The following UBAP2 variants were observed in gnomAD, a reference collection of about 807,000 sequenced individuals.
The protein encoded by UBAP2 is ubiquitin associated protein 2, also known as ubiquitin-associated protein 2.
A neutral mutation model predicts 139.6 loss-of-function variants in UBAP2; 75 were observed. The observed-to-expected ratio is 0.54, with a 90% CI of 0.45 to 0.65. The LOEUF (loss-of-function observed/expected upper bound fraction) is 0.65. Ranked by LOEUF, UBAP2 falls within the 30% of genes least tolerant of loss-of-function variation. UBAP2 has a pLI of 0.00. For missense variants in UBAP2, 1,368 were observed against 1,369.6 expected (o/e 1.00, Z 0.02); for synonymous variants, 526 against 526.2 (o/e 1.00, Z 0.01).
chr9:34,045,616 C>CCCGCCT (rs1827513081), intron 1 of UBAP2, among the ~76,000 whole-genome samples: 1 of 152,022 alleles, frequency 6.6e-6, no homozygotes, highest in African/African-American at 2.4e-5. Flanking sequence ...TCGTGACCCG[C>CCCGCCT]CCGCCTCCGC....
At chr9:33,980,400 C>CT (rs1362294266) in intron 6 of UBAP2, among the ~76,000 whole-genome samples, 3 of 141,894 alleles carry the variant, frequency 2.1e-5, no homozygotes, top group East Asian at 2.1e-4. Context: ...ACCAGCTAAT[C>CT]TTTTTTTGTA....
intron 1 of UBAP2, among the ~76,000 whole-genome samples, chr9:34,038,790 G>T (rs1258239510): frequency 1.3e-5 from 2 of 151,442 alleles, no homozygotes; most frequent in African/African-American, 4.9e-5. Flanking sequence ...CCCAGACTGG[G>T]AAGTGAGGAG....
At chr9:33,932,092 G>T (rs1019759974) in intron 19 of UBAP2, among the ~76,000 whole-genome samples, 6 of 151,928 alleles carry the variant, frequency 3.9e-5, no homozygotes, top group African/African-American at 1.5e-4. Context: ...CATAATCTAG[G>T]GCTACTCTTT....
intron 2 of UBAP2, among the ~76,000 whole-genome samples, chr9:34,016,363 GCA>G (rs1824324135): frequency 1.8e-4 from 4 of 22,532 alleles, no homozygotes; most frequent in South Asian, 8.6e-4. Flanking sequence ...AGCAGCGGCG[GCA>G]GCGGCGGTGG....
intron 1 of UBAP2, among the ~76,000 whole-genome samples, chr9:34,036,975 C>T (rs563153906): frequency 6.2e-4 from 89 of 144,388 alleles, no homozygotes; most frequent in African/African-American, 2.1e-3. Flanking sequence ...TGCCACCACA[C>T]CCAGCTATTT....
chr9:34,027,873 A>G (rs1375479930), intron 1 of UBAP2, among the ~76,000 whole-genome samples: 1 of 149,498 alleles, frequency 6.7e-6, no homozygotes, highest in Non-Finnish European at 1.5e-5. Flanking sequence ...AAAAAAAAAA[A>G]AAGAAAAGAA....
chr9:33,935,632 A>G, intron 17 of UBAP2: 1 of 623,110 alleles, frequency 1.6e-6, no homozygotes, highest in South Asian at 1.9e-5. Flanking sequence ...GCAGAAGAAT[A>G]TGAGACCACC....
intron 6 of UBAP2, among the ~76,000 whole-genome samples, chr9:33,984,879 A>T (rs1821071868): frequency 6.6e-6 from 1 of 152,198 alleles, no homozygotes; most frequent in African/African-American, 2.4e-5. Context: ...GGTGGCTGAA[A>T]CAGGAAGATT....
intron 1 of UBAP2, among the ~76,000 whole-genome samples, chr9:34,021,823 G>A (rs997707280): frequency 5.9e-5 from 9 of 152,006 alleles, no homozygotes; most frequent in African/African-American, 2.2e-4. Context: ...TAGTAGAGAT[G>A]GGGTCTCAAC....
intron 1 of UBAP2, among the ~76,000 whole-genome samples, chr9:34,045,132 G>T (rs1337127233): frequency 6.6e-6 from 1 of 151,982 alleles, no homozygotes; most frequent in African/African-American, 2.4e-5. Flanking sequence ...CGGATCACGA[G>T]GTTAGGAGAT....
At chr9:33,940,282 A>T (rs900982760) in intron 16 of UBAP2, among the ~76,000 whole-genome samples, 5 of 151,968 alleles carry the variant, frequency 3.3e-5, no homozygotes, top group African/African-American at 1.2e-4. Context: ...GATGCTGCAA[A>T]TGTGTGTGTG....
chr9:34,001,771 T>A (rs905995193), intron 2 of UBAP2, among the ~76,000 whole-genome samples: 1 of 152,084 alleles, frequency 6.6e-6, no homozygotes, highest in Non-Finnish European at 1.5e-5. Flanking sequence ...GTTTCAAACC[T>A]AAAAAATGTA....
chr9:34,026,014 A>T (rs1048207977), intron 1 of UBAP2, among the ~76,000 whole-genome samples: 2 of 152,240 alleles, frequency 1.3e-5, no homozygotes, highest in African/African-American at 2.4e-5. Context: ...GTTAAAGCTT[A>T]CATAAGCACA....
At chr9:33,988,160 A>G (rs1821370747) in intron 5 of UBAP2, among the ~76,000 whole-genome samples, 1 of 152,008 alleles carries the variant, frequency 6.6e-6, no homozygotes, top group Non-Finnish European at 1.5e-5. Context: ...ATATTAATAT[A>G]AAATATTTTA....
intron 16 of UBAP2, among the ~76,000 whole-genome samples, chr9:33,941,231 GTAT>G (rs1564022812): frequency 6.6e-6 from 1 of 152,074 alleles, no homozygotes; most frequent in East Asian, 1.9e-4. Context: ...CTATAGTCCA[GTAT>G]TATTAACAAA....
At chr9:33,966,406 A>T (rs1032700841) in intron 8 of UBAP2, among the ~76,000 whole-genome samples, 5 of 152,056 alleles carry the variant, frequency 3.3e-5, no homozygotes, top group African/African-American at 1.2e-4. Flanking sequence ...CAGTGAGTTG[A>T]GATCGCAACA....
chr9:33,963,672 C>T, intron 9 of UBAP2, 54 bp downstream of exon 9: 1 of 1,104,644 alleles, frequency 9.1e-7, no homozygotes, highest in South Asian at 1.4e-5. Context: ...AAAGATATTG[C>T]AAGCAATTTA....
chr9:33,936,926 CAAAAAAAAAAAA>C (rs66465145), intron 16 of UBAP2, among the ~76,000 whole-genome samples: 2 of 59,788 alleles, frequency 3.3e-5, no homozygotes, highest in African/African-American at 1.4e-4. Context: ...AACTCCAGCT[CAAAAAAAAAAAA>C]AAAAAAAAAA....
chr9:33,928,122 C>T, intron 19 of UBAP2, 130 bp from the exon 20 acceptor site: 2 of 948,800 alleles, frequency 2.1e-6, no homozygotes, highest in South Asian at 1.7e-5. Flanking sequence ...CACCCAGGCT[C>T]CCTTAAGGTG....
Sources: gnomAD v4.1 joint callset for allele counts (sites outside exome capture counted in the v4.1 genomes callset) on GRCh38, gnomAD v4.1.1 for gene constraint, MANE v1.5 for transcripts, NCBI Gene and HGNC (gene_info 2026-07-23, HGNC 2026-07-21) for gene names.